HNRNPH1: variants seen among roughly 807,000 people sequenced by gnomAD.
HNRNPH1 encodes the protein heterogeneous nuclear ribonucleoprotein H1.
In HNRNPH1, 4 loss-of-function variants were observed where a neutral mutation model predicts 58.6. The observed-to-expected ratio is 0.07, with a 90% confidence interval of 0.03 to 0.16. The LOEUF is 0.16. HNRNPH1 is among the 10% of genes least tolerant of loss of function. HNRNPH1 has a pLI of 1.00. For missense variants in HNRNPH1, 271 were observed against 564.2 expected (o/e 0.48, Z 5.26); for synonymous variants, 192 against 189.2 (o/e 1.01, Z -0.12).
intron 2 of HNRNPH1, among the ~76,000 whole-genome samples, chr5:179,631,760 T>C (rs950180348): frequency 3.9e-5 from 6 of 152,014 alleles, no homozygotes; most frequent in African/African-American, 1.4e-4. Context: ...AAAATTTTTT[T>C]TTTAAATATT....
chr5:179,634,163 G>C (rs1298587157), intron 1 of HNRNPH1: 1 of 141,332 alleles, frequency 7.1e-6, no homozygotes, highest in Non-Finnish European at 1.5e-5. Context: ...CAGCGCTGGA[G>C]GACGGGGTCA....
chr5:179,622,285 A>G (rs1772817426), intron 1 of HNRNPH1, among the ~76,000 whole-genome samples: 2 of 152,238 alleles, frequency 1.3e-5, no homozygotes, highest in South Asian at 4.1e-4. Context: ...CCTTTTTAAG[A>G]AAACACCAAA....
Position 179,617,378 on chromosome 5 carries a change from G to GC in HNRNPH1, c.1057+135dup, listed in dbSNP as rs946948811. 16 of 1,042,076 alleles carry GC rather than the reference G, an allele frequency of 1.5e-5. No homozygotes were observed. The African/African-American group carries it at 2.2e-4, about 15-fold the overall frequency. The allele number at this position is 1,042,076 out of a possible 1,614,324, so 64.6% of individuals were successfully genotyped here. On this transcript the variant is annotated intron_variant, in intron 8 of 12. Transcript: ENST00000356731. ...TTAAAACCCAAACCTTCAACACACT[G>GC]CCCCCGCATCCCCCAAGAATTAATC... is the stretch of plus-strand genomic sequence containing the variant.
chr5:179,620,457 G>C (rs1219678567), intron 3 of HNRNPH1, among the ~76,000 whole-genome samples: 1 of 152,236 alleles, frequency 6.6e-6, no homozygotes, highest in Non-Finnish European at 1.5e-5. Context: ...GCATTAAAGA[G>C]AATTAGACCA....
At chr5:179,619,086 C>G (rs1771121148) in intron 4 of HNRNPH1, 183 bp downstream of exon 5, 1 of 521,876 alleles carries the variant, frequency 1.9e-6, no homozygotes, top group Non-Finnish European at 3.4e-6. Flanking sequence ...TAACTAGGGA[C>G]AAATTTCAAA....
chr5:179,615,143 TG>T, intron 12 of HNRNPH1, 184 bp from the exon 14 acceptor site: 2 of 558,276 alleles, frequency 3.6e-6, no homozygotes, highest in East Asian at 5.8e-5. Context: ...CCCTTTTCTC[TG>T]CAGTACCAAC....
chr5:179,632,383 G>A (rs1321918495), intron 2 of HNRNPH1, among the ~76,000 whole-genome samples: 2 of 152,192 alleles, frequency 1.3e-5, no homozygotes, highest in Non-Finnish European at 2.9e-5. Context: ...CTCCCCCGCC[G>A]CGGCCAGGCA....
At position 179,617,583 on chromosome 5, in the gene HNRNPH1, CA is replaced by C; in HGVS notation, c.987del (p.Glu330LysfsTer28). ...TGAGTTGCGAACTCGACATCTGCTT[CA>C]CCAGTTACTCTGCCATCAGGACCAA... On this transcript the variant is annotated frameshift_variant, in exon 8 of 13. Transcript: ENST00000356731. LOFTEE classifies it high-confidence loss of function. 1 of 1,614,102 alleles carries C rather than the reference CA, an allele frequency of 6.2e-7. No individual in the cohort carries two copies. The highest frequency in any genetic ancestry group is 8.5e-7 in the Non-Finnish European group (1 of 1,179,962).
At chr5:179,624,399 G>T (rs1450790091) in exon 1 of HNRNPH1, 3 of 397,008 alleles carry the variant, frequency 7.6e-6, no homozygotes, top group Admixed American at 4.4e-5. Flanking sequence ...TTTGCCTAAC[G>T]AATTCGCACC....
chr5:179,627,793 G>A (rs963853981), upstream of HNRNPH1, among the ~76,000 whole-genome samples: 9 of 147,070 alleles, frequency 6.1e-5, no homozygotes, highest in Non-Finnish European at 1.0e-4. Flanking sequence ...ATGGTGGTGG[G>A]CGCCTGTAAT....
intron 8 of HNRNPH1, 96 bp from the exon 10 acceptor site, chr5:179,617,206 T>C (rs1770206143): frequency 8.3e-7 from 1 of 1,208,724 alleles, no homozygotes; most frequent in Admixed American, 2.2e-5. Context: ...ATCTGTGAAC[T>C]TCAAATACTT....
intron 4 of HNRNPH1, 67 bp from the exon 6 acceptor site, chr5:179,618,390 A>AT (rs1326729999): frequency 4.6e-6 from 5 of 1,075,324 alleles, no homozygotes; most frequent in African/African-American, 3.2e-5. Flanking sequence ...TTATACAGGT[A>AT]TTTAGTTATA....
At chr5:179,616,560 C>G (rs1025678333) in intron 10 of HNRNPH1, 2 of 509,746 alleles carry the variant, frequency 3.9e-6, no homozygotes, top group Admixed American at 3.6e-5. Flanking sequence ...GTCAATACAC[C>G]TAATTATGCC....
exon 13 of HNRNPH1, chr5:179,614,551 T>G (rs1289851375): frequency 4.9e-6 from 1 of 205,612 alleles, no homozygotes; most frequent in African/African-American, 2.3e-5. Context: ...ATAATTCAAC[T>G]GCTTTTACCT....
upstream of HNRNPH1, among the ~76,000 whole-genome samples, chr5:179,627,149 C>T (rs1166515352): frequency 6.6e-6 from 1 of 152,094 alleles, no homozygotes; most frequent in Non-Finnish European, 1.5e-5. Flanking sequence ...AGGATAGTTG[C>T]CCCAGACATT....
rs1770603196 is a variant in HNRNPH1 at position 179,617,979 on chromosome 5, C to T, written c.787+10G>A. ...CATCCTTCAACTGAGAAATTCAATTCTTACCTTACCTCTTCCAAATCTATC... is the reference window on the plus strand; with the variant it reads ...CATCCTTCAACTGAGAAATTCAATTTTTACCTTACCTCTTCCAAATCTATC... On this transcript the variant is annotated intron_variant, in intron 6 of 12. Coordinates refer to ENST00000356731, the Ensembl canonical transcript of HNRNPH1. 2.5e-6 allele frequency: 4 copies of T among 1,614,102 alleles called. No individual in the cohort carries two copies.
intron 10 of HNRNPH1, 116 bp from the exon 12 acceptor site, chr5:179,616,334 C>A (rs919509981): frequency 4.9e-6 from 4 of 822,074 alleles, no homozygotes; most frequent in Non-Finnish European, 8.3e-6. Context: ...ATTACTGTAA[C>A]CCTCTGCCTC....
At chr5:179,621,447 C>G in intron 1 of HNRNPH1, 50 bp from the exon 3 acceptor site, 1 of 1,523,832 alleles carries the variant, frequency 6.6e-7, no homozygotes, top group Non-Finnish European at 9.0e-7. Context: ...AAAACCACCT[C>G]TGGGTGACAC....
intron 10 of HNRNPH1, chr5:179,616,421 C>G: frequency 1.7e-6 from 1 of 590,562 alleles, no homozygotes; most frequent in Non-Finnish European, 3.0e-6. Flanking sequence ...AACCAAAGTG[C>G]TAACGGTACA....
Sources: allele counts gnomAD v4.1 joint callset (sites outside exome capture counted in the v4.1 genomes callset), GRCh38; gene constraint gnomAD v4.1.1; transcripts MANE v1.5; gene names NCBI Gene and HGNC (gene_info 2026-07-23, HGNC 2026-07-21).